The following NUDT9 variants were observed in gnomAD, a reference collection of about 807,000 sequenced individuals.
The protein encoded by NUDT9 is nudix hydrolase 9, also known as ADP-ribose pyrophosphatase.
A neutral mutation model predicts 41.0 loss-of-function variants in NUDT9; 31 were observed. The observed-to-expected ratio is 0.76, with a 90% CI of 0.57 to 1.02. NUDT9 has a LOEUF of 1.02. Ranked by LOEUF, NUDT9 falls within the 50% of genes least tolerant of loss-of-function variation. The pLI, the probability that NUDT9 is intolerant of heterozygous loss-of-function variation, is 0.00. For missense variants in NUDT9, 380 were observed against 431.4 expected (o/e 0.88, Z 1.06); for synonymous variants, 146 against 147.6 (o/e 0.99, Z 0.08).
chr4:87,442,379 T>G (rs1722242354), intron 4 of NUDT9, among the ~76,000 whole-genome samples: 1 of 152,200 alleles, frequency 6.6e-6, no homozygotes, highest in South Asian at 2.1e-4. Context: ...TGAATGGAGC[T>G]TATAGGACTG....
intron 2 of NUDT9, among the ~76,000 whole-genome samples, chr4:87,437,189 G>A (rs1161740670): frequency 2.8e-5 from 4 of 142,378 alleles, no homozygotes; most frequent in African/African-American, 1.0e-4. Context: ...GTTAGAGGTT[G>A]CAGTGAACCA....
At position 87,454,406 on chromosome 4, in the gene NUDT9, T is replaced by C; in HGVS notation, c.825T>C (p.Thr275=). The part of the protein sequence containing the change: ...YKGYVDDPRN[T]DNAWMETEAV... ...GATATGTTGATGATCCTCGAAACAC[T>C]GATAATGCATGGATGGAGACAGAAG... is the stretch of plus-strand genomic sequence containing the variant. The change falls in exon 7 of 8, where the codon ACT becomes ACC. Residue 275 remains threonine, a synonymous_variant. Coordinates refer to ENST00000302174, the MANE Select transcript of NUDT9 (RefSeq NM_024047.5). 6.2e-7 allele frequency: 1 copy of C among 1,612,126 alleles called. No individual in the cohort carries two copies. Among genetic ancestry groups the C allele is most frequent in the Non-Finnish European group, 8.5e-7 (1 of 1,178,230 alleles).
At chr4:87,423,592 CTTATT>C (rs1162118496) in intron 1 of NUDT9, among the ~76,000 whole-genome samples, 5 of 152,016 alleles carry the variant, frequency 3.3e-5, no homozygotes, top group African/African-American at 7.2e-5. Context: ...GCAGCCTTTT[CTTATT>C]TTATAGATAT....
At chr4:87,431,926 T>A (rs1478399389) in intron 1 of NUDT9, among the ~76,000 whole-genome samples, 1 of 152,242 alleles carries the variant, frequency 6.6e-6, no homozygotes, top group Non-Finnish European at 1.5e-5. Flanking sequence ...CCTCAGGTGA[T>A]CCACTAGCCT....
At chr4:87,437,249 CAA>C (rs776722819) in intron 2 of NUDT9, among the ~76,000 whole-genome samples, 12 of 55,616 alleles carry the variant, frequency 2.2e-4, no homozygotes, top group African/African-American at 6.4e-4. Context: ...GACTCCATCT[CAA>C]AAAAAAAAAA....
chr4:87,441,407 G>T (rs1722195530), intron 3 of NUDT9, among the ~76,000 whole-genome samples: 1 of 152,150 alleles, frequency 6.6e-6, no homozygotes, highest in Non-Finnish European at 1.5e-5. Context: ...AACCATTGAG[G>T]AAAAAGGGAT....
chr4:87,446,386 C>G (rs1045481637), intron 4 of NUDT9, among the ~76,000 whole-genome samples: 1 of 151,792 alleles, frequency 6.6e-6, no homozygotes, highest in African/African-American at 2.4e-5. Flanking sequence ...TAGGTGCACA[C>G]CACCCCGCCC....
chr4:87,448,909 A>G (rs1390910117), intron 4 of NUDT9, among the ~76,000 whole-genome samples: 1 of 152,198 alleles, frequency 6.6e-6, no homozygotes, highest in African/African-American at 2.4e-5. Flanking sequence ...AATTTTCATT[A>G]CAGATAATGT....
chr4:87,458,058 A>C lies in NUDT9; in HGVS notation c.*37A>C, dbSNP rs749918945. 1.2e-5 allele frequency: 17 copies of C among 1,463,946 alleles called. No homozygotes were observed. The highest frequency in any genetic ancestry group is 8.0e-5 in the Admixed American group (3 of 37,312). 90.7% of individuals were successfully genotyped at this position (1,463,946 alleles called of 1,614,324 possible). A position where few individuals can be genotyped will look rare whatever the true frequency, so the allele number is the denominator to read the frequency against. ...CGTGTAAGCCAAAGGCCCACAGAGG[A>C]GCATATACTGAAAAGAAGGCAGTAT... is the stretch of plus-strand genomic sequence containing the variant. On this transcript the variant is annotated 3_prime_UTR_variant, in exon 8 of 8. Transcript: ENST00000302174.
At chr4:87,425,386 T>G (rs1239961994) in intron 1 of NUDT9, among the ~76,000 whole-genome samples, 2 of 141,964 alleles carry the variant, frequency 1.4e-5, no homozygotes, top group Non-Finnish European at 3.0e-5. Flanking sequence ...CCTAGTGTTC[T>G]TTTCCTTTTT....
chr4:87,448,310 A>C (rs1167484060), intron 4 of NUDT9, among the ~76,000 whole-genome samples: 1 of 151,362 alleles, frequency 6.6e-6, no homozygotes, highest in Non-Finnish European at 1.5e-5. Flanking sequence ...ATGCCTAGCT[A>C]ATTTTTGTAT....
At chr4:87,424,312 C>T (rs796846745) in intron 1 of NUDT9, among the ~76,000 whole-genome samples, 5 of 138,116 alleles carry the variant, frequency 3.6e-5, no homozygotes, top group East Asian at 2.3e-4. Context: ...CAGGCTGGAG[C>T]GCAGTGGCGC....
chr4:87,433,592 T>C (rs1055498062), intron 1 of NUDT9, among the ~76,000 whole-genome samples: 4 of 152,208 alleles, frequency 2.6e-5, no homozygotes, highest in African/African-American at 2.4e-5. Context: ...TGACTGGTAT[T>C]GTGAGAGCAG....
chr4:87,437,273 G>C (rs951567452), intron 2 of NUDT9, among the ~76,000 whole-genome samples: 7 of 123,060 alleles, frequency 5.7e-5, no homozygotes, highest in Non-Finnish European at 1.3e-4. Flanking sequence ...AAAAAAGAAA[G>C]AAAGAAAAAA....
At chr4:87,450,612 C>T (rs920763138) in intron 5 of NUDT9, among the ~76,000 whole-genome samples, 4 of 151,870 alleles carry the variant, frequency 2.6e-5, no homozygotes, top group South Asian at 4.2e-4. Context: ...CTCCTGACCT[C>T]GTGATCCACC....
chr4:87,428,145 T>C (rs1721517104), intron 1 of NUDT9, among the ~76,000 whole-genome samples: 1 of 152,172 alleles, frequency 6.6e-6, no homozygotes, highest in Non-Finnish European at 1.5e-5. Context: ...ATTAGTTAGG[T>C]TTTCCCTCAT....
At position 87,422,745 on chromosome 4, in the gene NUDT9, T is replaced by A; in HGVS notation, c.-161T>A. On this transcript the variant is annotated 5_prime_UTR_variant, in exon 1 of 8. Coordinates refer to ENST00000302174, the MANE Select transcript of NUDT9 (RefSeq NM_024047.5). ...TCGTGGGAGGGCTCTTGATCTGTGATTTATAGATAGGCACAGCTACTCCCG... is the reference window on the plus strand; with the variant it reads ...TCGTGGGAGGGCTCTTGATCTGTGAATTATAGATAGGCACAGCTACTCCCG... 1.8e-6 allele frequency: 1 copy of A among 550,894 alleles called. No individual in the cohort carries two copies. The highest frequency in any genetic ancestry group is 3.2e-6 in the Non-Finnish European group (1 of 311,102). 34.1% of individuals were successfully genotyped at this position (550,894 alleles called of 1,614,324 possible).
intron 1 of NUDT9, 70 bp from the exon 2 acceptor site, chr4:87,434,911 A>C: frequency 2.2e-6 from 3 of 1,374,330 alleles, no homozygotes; most frequent in Non-Finnish European, 3.0e-6. Flanking sequence ...AAGCCACTGC[A>C]CCCGGCCTAG....
At chr4:87,454,479 G>C in intron 7 of NUDT9, 24 bp downstream of exon 7, 1 of 1,460,734 alleles carries the variant, frequency 6.8e-7, no homozygotes. Flanking sequence ...TATTAAACTG[G>C]CTGGGATTAA....
Sources: gnomAD v4.1 joint callset for allele counts (sites outside exome capture counted in the v4.1 genomes callset) on GRCh38, gnomAD v4.1.1 for gene constraint, MANE v1.5 for transcripts, NCBI Gene and HGNC (gene_info 2026-07-23, HGNC 2026-07-21) for gene names.